The following OTOA variants were observed in gnomAD, a reference collection of about 807,000 sequenced individuals.
OTOA encodes otoancorin, also known as cancer/testis antigen 108.
A neutral mutation model predicts 110.8 loss-of-function variants in OTOA; 70 were observed. The ratio of observed to expected loss-of-function variants is 0.63; its 90% CI spans 0.52 to 0.77. The LOEUF (loss-of-function observed/expected upper bound fraction) is 0.77. OTOA is among the 30% of genes least tolerant of loss of function. The pLI, the probability that OTOA is intolerant of heterozygous loss-of-function variation, is 0.00. For synonymous variants in OTOA, 373 were observed against 431.5 expected, an observed-to-expected ratio of 0.86 and a Z score of 1.68; for missense variants, 917 against 1,075.8, an observed-to-expected ratio of 0.85 and a Z score of 2.06.
intron 28 of OTOA, among the ~76,000 whole-genome samples, chr16:21,760,168 T>C (rs1900123744): frequency 6.6e-6 from 1 of 151,944 alleles, no homozygotes; most frequent in Non-Finnish European, 1.5e-5. Context: ...CTGGGAGAGA[T>C]GCTTAAAATA....
chr16:21,726,497 C>T, intron 18 of OTOA, 26 bp from the exon 19 acceptor site: 1 of 1,612,810 alleles, frequency 6.2e-7, no homozygotes, highest in Non-Finnish European at 8.5e-7. Flanking sequence ...TGTGTTCCTC[C>T]TCTTGTTCTC....
At chr16:21,674,642 G>T (rs976585538) in intron 1 of OTOA, among the ~76,000 whole-genome samples, 5 of 145,126 alleles carry the variant, frequency 3.4e-5, no homozygotes, top group South Asian at 2.2e-4. Context: ...CTTCATTATG[G>T]TTTTTTTTTT....
chr16:21,729,181 C>CTGT (rs1430539340), intron 20 of OTOA, among the ~76,000 whole-genome samples: 3 of 151,896 alleles, frequency 2.0e-5, no homozygotes, highest in African/African-American at 7.3e-5. Flanking sequence ...ACCACAGGTG[C>CTGT]ACATCACTGT....
intron 15 of OTOA, among the ~76,000 whole-genome samples, chr16:21,717,332 T>G (rs1898588233): frequency 6.6e-6 from 1 of 151,976 alleles, no homozygotes; most frequent in Admixed American, 6.6e-5. Context: ...TCCCAGCTAC[T>G]CAGGAGGCTG....
chr16:21,684,548 A>T (rs375953749), intron 6 of OTOA: 9 of 1,549,488 alleles, frequency 5.8e-6, no homozygotes, highest in African/African-American at 1.4e-5. Context: ...ACCTACAGGG[A>T]CCAGGCAGGC....
At chr16:21,665,743 T>TA in intron 1 of OTOA, among the ~76,000 whole-genome samples, 1 of 152,110 alleles carries the variant, frequency 6.6e-6, no homozygotes, top group Non-Finnish European at 1.5e-5. Context: ...TAGCTGTGCC[T>TA]AAAATCTCAC....
intron 21 of OTOA, among the ~76,000 whole-genome samples, chr16:21,731,417 A>G (rs549921791): frequency 2.6e-5 from 4 of 152,356 alleles, no homozygotes; most frequent in South Asian, 2.1e-4. Flanking sequence ...ATAAGCATGA[A>G]TTAGTCATTT....
Position 21,699,406 on chromosome 16 carries a change from C to T in OTOA, c.841-1482C>T, listed in dbSNP as rs560591932. Among the ~76,000 whole-genome samples the T allele has an allele frequency of 9.2e-5, 14 of 152,246 alleles. No individual in the cohort carries two copies. The East Asian group carries it at 2.3e-3, about 25-fold the overall frequency. On this transcript the variant is annotated intron_variant, in intron 10 of 28. Coordinates refer to ENST00000646100, the MANE Select transcript of OTOA (RefSeq NM_144672.4). ...ATCCCAGCACTTTGGGAGGCCAAGG[C>T]GGGAGGATCACTTGAGCCCAGAAGT...
chr16:21,685,141 G>A (rs1057497173), intron 6 of OTOA, 89 bp from the exon 7 acceptor site: 5 of 1,544,934 alleles, frequency 3.2e-6, no homozygotes, highest in East Asian at 2.3e-5. Context: ...CAGGGAATGA[G>A]GGGGCCGGGC....
rs1898997312 is a variant in OTOA, at chr16:21,728,386, C to T, written c.2162C>T (p.Pro721Leu). 4 of 1,614,028 alleles carry T rather than the reference C, an allele frequency of 2.5e-6. No homozygotes were observed. The South Asian group carries it at 3.3e-5, about 13-fold the overall frequency. ...HGLRDCPDLN[P>L]EQKAAVRLKL... ...CTCAGAGACTGCCCAGACCTCAACC[C>T]TGAGCAAAAGGCTGCAGTGAGGCTC... Residue 721 changes from proline to leucine, a missense_variant, in exon 20 of 29, where the codon CCT (proline) becomes CTT (leucine). Coordinates refer to ENST00000646100, the MANE Select transcript of OTOA (RefSeq NM_144672.4).
At chr16:21,729,188 C>T (rs1424262859) in intron 20 of OTOA, among the ~76,000 whole-genome samples, 1 of 152,106 alleles carries the variant, frequency 6.6e-6, no homozygotes, top group East Asian at 1.9e-4. Flanking sequence ...GTGCACATCA[C>T]TGTACCCAGC....
rs201231126 is a variant in OTOA, at chr16:21,728,439, G to C, written c.2207+8G>C. 8.7e-5 allele frequency: 141 copies of C among 1,613,122 alleles called. No individual in the cohort carries two copies. Among genetic ancestry groups the C allele is most frequent in the Non-Finnish European group, 1.1e-4 (130 of 1,179,638 alleles). ...GCTCCTGGGACAGTATGGGTGAGGA[G>C]CGGCTGGGTTTGGCTTTTGGTGGTG... On this transcript the variant is annotated splice_region_variant and intron_variant, in intron 20 of 28. Coordinates refer to ENST00000646100, the MANE Select transcript of OTOA (RefSeq NM_144672.4).
Position 21,719,459 on chromosome 16 carries a change from T to C in OTOA, c.1761T>C (p.His587=), listed in dbSNP as rs1898660658. Residue 587 remains histidine, a synonymous_variant, in exon 17 of 29, where the codon CAT becomes CAC. Transcript: ENST00000646100. ...TGAGCACTGACTTCTTTCTGGCCCA[T>C]TTCCAGGATTTTCAGAACAACTTCG... The part of the protein sequence containing the change: ...DAMSTDFFLA[H]FQDFQNNFAL... The C allele has an allele frequency of 6.2e-7, 1 of 1,614,054 alleles. No homozygotes were observed. Among genetic ancestry groups the C allele is most frequent in the Non-Finnish European group, 8.5e-7 (1 of 1,180,034 alleles).
chr16:21,668,017 C>T (rs549604802), intron 1 of OTOA, among the ~76,000 whole-genome samples: 1 of 152,254 alleles, frequency 6.6e-6, no homozygotes, highest in African/African-American at 2.4e-5. Context: ...AATATAACCA[C>T]AGTTTCATTA....
intron 14 of OTOA, 63 bp downstream of exon 14, chr16:21,715,215 A>T (rs1898516269): frequency 6.2e-7 from 1 of 1,608,126 alleles, no homozygotes; most frequent in Admixed American, 1.7e-5. Context: ...GGGGTTGGTG[A>T]GTGGGCTGTG....
At chr16:21,738,500 C>T (rs1324928410) in intron 22 of OTOA, among the ~76,000 whole-genome samples, 4 of 133,846 alleles carry the variant, frequency 3.0e-5, no homozygotes, top group Admixed American at 8.0e-5. Context: ...ATGGAGGTGG[C>T]TCTCGGTGGG....
chr16:21,691,572 T>G lies in OTOA; in HGVS notation c.636-12T>G, dbSNP rs1343436161. On this transcript the variant is annotated splice_polypyrimidine_tract_variant and intron_variant, in intron 8 of 28. Coordinates refer to ENST00000646100, the MANE Select transcript of OTOA (RefSeq NM_144672.4). The stretch of plus-strand genomic sequence containing the variant: ...CTTGTTATTAGCTGATGCCTGTGTT[T>G]GTGTCATTTAGATCTGCAGTGTTCA... 1 of 1,606,772 alleles carries G rather than the reference T, an allele frequency of 6.2e-7. No homozygotes were observed. The highest frequency in any genetic ancestry group is 8.5e-7 in the Non-Finnish European group (1 of 1,173,596).
intron 23 of OTOA, among the ~76,000 whole-genome samples, chr16:21,744,549 G>A (rs1308506722): frequency 8.7e-6 from 1 of 114,322 alleles, no homozygotes; most frequent in Admixed American, 1.0e-4. Flanking sequence ...TCACAGTTCT[G>A]GGGGGTGAGA....
chr16:21,678,828 T>C, intron 2 of OTOA, 87 bp from the exon 3 acceptor site: 1 of 1,516,652 alleles, frequency 6.6e-7, no homozygotes. Context: ...ATGAGTGGCT[T>C]TCTGGGGCTT....
Sources: allele counts gnomAD v4.1 joint callset (sites outside exome capture counted in the v4.1 genomes callset), GRCh38; gene constraint gnomAD v4.1.1; transcripts MANE v1.5; gene names NCBI Gene and HGNC (gene_info 2026-07-23, HGNC 2026-07-21).